LRRFIP1: variants seen among roughly 807,000 people sequenced by gnomAD.
The protein encoded by LRRFIP1 is LRR binding FLII interacting protein 1.
A neutral mutation model predicts 104.4 loss-of-function variants in LRRFIP1; 62 were observed. The ratio of observed to expected loss-of-function variants is 0.59; its 90% confidence interval spans 0.48 to 0.73. The LOEUF (loss-of-function observed/expected upper bound fraction) is 0.73. LRRFIP1 is among the 30% of genes least tolerant of loss of function. The pLI, the probability that LRRFIP1 is intolerant of heterozygous loss-of-function variation, is 0.00. For missense variants in LRRFIP1, 796 were observed against 824.5 expected, an observed-to-expected ratio of 0.97 and a Z score of 0.42; for synonymous variants, 300 against 299.0, an observed-to-expected ratio of 1.00 and a Z score of -0.03.
chr2:237,722,534 T>C (rs1245249786), intron 6 of LRRFIP1, among the ~76,000 whole-genome samples: 2 of 152,200 alleles, frequency 1.3e-5, no homozygotes, highest in African/African-American at 4.8e-5. Flanking sequence ...TGCCGAGATA[T>C]CAAGTATATT....
intron 6 of LRRFIP1, among the ~76,000 whole-genome samples, chr2:237,722,363 A>G (rs1358915105): frequency 6.6e-6 from 1 of 152,212 alleles, no homozygotes; most frequent in Non-Finnish European, 1.5e-5. Flanking sequence ...TGGGAAAAGA[A>G]TGTTCAGTTT....
At chr2:237,714,080 G>A (rs2094224535) in intron 2 of LRRFIP1, among the ~76,000 whole-genome samples, 179 bp from the exon 3 acceptor site, 1 of 152,186 alleles carries the variant, frequency 6.6e-6, no homozygotes, top group East Asian at 1.9e-4. Context: ...GAAATGTAAA[G>A]TAAGTGATAA....
At position 237,661,449 on chromosome 2, in the gene LRRFIP1, G is replaced by A. The variant is rs1201690627; in HGVS notation, c.96+33709G>A. On this transcript the variant is annotated intron_variant, in intron 1 of 23. Transcript: ENST00000308482. This position sits in a 1 kb window ranked among gnomAD's most constrained non-coding sequence, Gnocchi z 4.4. ...TTTTGTTCCCCAAAGCCCTCCAGCT[G>A]GCCGGGCTGCCCTCCCCAGACTCCC... 6.6e-6 allele frequency among the ~76,000 whole-genome samples: 1 copy of A among 152,164 alleles called. No individual in the cohort carries two copies. The highest frequency in any genetic ancestry group is 1.5e-5 in the Non-Finnish European group (1 of 68,018).
intron 11 of LRRFIP1, among the ~76,000 whole-genome samples, chr2:237,742,512 G>A (rs1418073056): frequency 6.6e-6 from 1 of 152,220 alleles, no homozygotes; most frequent in African/African-American, 2.4e-5. Context: ...TAGAAAGACG[G>A]TGAGCACAGG....
Position 237,770,004 on chromosome 2 carries a change from T to A in LRRFIP1, c.1509+12T>A. ...GCTTATTGGAACAGGTAACAATCTT[T>A]TTATTACTTTACCGGTTCATGAACA... On this transcript the variant is annotated intron_variant, in intron 20 of 23. Transcript: ENST00000308482. 1 of 1,596,072 alleles carries A rather than the reference T, an allele frequency of 6.3e-7. No individual in the cohort carries two copies. Among genetic ancestry groups the A allele is most frequent in the Non-Finnish European group, 8.5e-7 (1 of 1,169,810 alleles).
intron 1 of LRRFIP1, among the ~76,000 whole-genome samples, chr2:237,671,205 C>T (rs982635645): frequency 6.6e-6 from 1 of 152,288 alleles, no homozygotes; most frequent in South Asian, 2.1e-4. Flanking sequence ...TTGTGTCCCT[C>T]GTGTGATAAC....
At chr2:237,770,140 TC>T (rs1402856492) in intron 20 of LRRFIP1, 148 bp downstream of exon 20, 2 of 647,186 alleles carry the variant, frequency 3.1e-6, no homozygotes, top group East Asian at 5.5e-5. Context: ...AAGATTGCTA[TC>T]CAAATAGAAC....
intron 11 of LRRFIP1, among the ~76,000 whole-genome samples, chr2:237,747,482 A>T (rs3754714): frequency 0.13 from 19,022 of 152,156 alleles, 1,545 homozygotes; most frequent in African/African-American, 0.22. Flanking sequence ...GCTGAGCTGC[A>T]GGTCCCCGGC....
chr2:237,726,642 A>G (rs1423905903), intron 7 of LRRFIP1, among the ~76,000 whole-genome samples: 1 of 152,260 alleles, frequency 6.6e-6, no homozygotes, highest in Admixed American at 6.5e-5. Flanking sequence ...ACTTAAGGTC[A>G]CATGACGGAG....
chr2:237,677,753 C>T (rs2091330603), intron 1 of LRRFIP1, among the ~76,000 whole-genome samples: 2 of 152,186 alleles, frequency 1.3e-5, no homozygotes, highest in African/African-American at 4.8e-5. Context: ...GCACAGCCTA[C>T]CTGTGGTACC....
At chr2:237,754,591 G>T (rs1419138711) in intron 15 of LRRFIP1, among the ~76,000 whole-genome samples, 1 of 152,194 alleles carries the variant, frequency 6.6e-6, no homozygotes, top group Non-Finnish European at 1.5e-5. Context: ...TTTTTAACTG[G>T]CTATTATCCT....
In LRRFIP1 at chr2:237,627,615, GC is replaced by G; in HGVS notation, c.-26del. 1 of 1,246,108 alleles carries G rather than the reference GC, an allele frequency of 8.0e-7. No homozygotes were observed. The allele number at this position is 1,246,108 out of a possible 1,614,324, so 77.2% of individuals were successfully genotyped here. A position where few individuals can be genotyped will look rare whatever the true frequency, so the allele number is the denominator to read the frequency against. On this transcript the variant is annotated 5_prime_UTR_variant, in exon 1 of 24. Coordinates refer to ENST00000308482, the MANE Select transcript of LRRFIP1 (RefSeq NM_001137550.2). ...GCGGCGCGAGCGGCTGGAGCAACGG[GC>G]CCCGCGGCAGCTGCGGGCGACGCGG... is the stretch of plus-strand genomic sequence containing the variant.
chr2:237,669,563 A>G (rs2090013002), intron 1 of LRRFIP1, among the ~76,000 whole-genome samples: 1 of 152,162 alleles, frequency 6.6e-6, no homozygotes, highest in African/African-American at 2.4e-5. Flanking sequence ...GGAACTGAAT[A>G]TCTTCCTCAT....
chr2:237,756,528 G>A (rs1045107067), intron 16 of LRRFIP1, among the ~76,000 whole-genome samples: 6 of 152,162 alleles, frequency 3.9e-5, no homozygotes, highest in African/African-American at 1.2e-4. Flanking sequence ...TAATTACTTC[G>A]TAAAAACCCT....
At chr2:237,729,634 C>T (rs778015585) in intron 8 of LRRFIP1, 2 of 159,970 alleles carry the variant, frequency 1.3e-5, no homozygotes, top group Non-Finnish European at 1.3e-5. Context: ...TTGTGCCTCG[C>T]GTCTTTAGAT....
chr2:237,680,591 G>T (rs1197734249), intron 1 of LRRFIP1, among the ~76,000 whole-genome samples: 1 of 152,192 alleles, frequency 6.6e-6, no homozygotes, highest in Non-Finnish European at 1.5e-5. Flanking sequence ...GTTGGAAGGG[G>T]TCCTAGAACC....
chr2:237,774,921 C>T (rs535626511), intron 23 of LRRFIP1, among the ~76,000 whole-genome samples: 8 of 152,380 alleles, frequency 5.3e-5, no homozygotes, highest in African/African-American at 1.9e-4. Context: ...TGCTGTTACT[C>T]CACCTGCTGG....
chr2:237,666,260 C>T (rs567487385), intron 1 of LRRFIP1, among the ~76,000 whole-genome samples: 62 of 152,360 alleles, frequency 4.1e-4, no homozygotes, highest in Middle Eastern at 3.4e-3. Flanking sequence ...TGTAAATGGG[C>T]GCATTGGCAG....
chr2:237,697,772 C>T (rs1236711761), intron 1 of LRRFIP1, among the ~76,000 whole-genome samples: 1 of 152,190 alleles, frequency 6.6e-6, no homozygotes, highest in Non-Finnish European at 1.5e-5. Context: ...TGGAGGGAAA[C>T]CTGTCACCTG....
Sources: allele counts gnomAD v4.1 joint callset (sites outside exome capture counted in the v4.1 genomes callset), GRCh38; gene constraint gnomAD v4.1.1; non-coding constraint Gnocchi (gnomAD v3.1); transcripts MANE v1.5; gene names NCBI Gene and HGNC (gene_info 2026-07-23, HGNC 2026-07-21).